The following ZNF385D variants were observed in gnomAD, a reference collection of about 807,000 sequenced individuals.
ZNF385D encodes the protein zinc finger protein 659.
Under a neutral mutation model 35.8 loss-of-function variants are expected in ZNF385D, and 15 were observed. That is an observed-to-expected ratio of 0.42 (90% CI 0.28 to 0.64). ZNF385D has a LOEUF of 0.64. Among genes scored for constraint, ZNF385D ranks in the 30% least tolerant of loss-of-function variants. ZNF385D has a pLI of 0.23. For synonymous variants in ZNF385D, 212 were observed against 186.8 expected, an observed-to-expected ratio of 1.13 and a Z score of -1.10; for missense variants, 474 against 494.6, an observed-to-expected ratio of 0.96 and a Z score of 0.39.
chr3:21,992,602 A>T (rs1695215608), intron 3 of ZNF385D, among the ~76,000 whole-genome samples: 1 of 152,184 alleles, frequency 6.6e-6, no homozygotes, highest in South Asian at 2.1e-4. Context: ...ATAGTTTGTG[A>T]TGAAGATATG....
chr3:22,087,289 C>T (rs1011980421), intron 3 of ZNF385D, among the ~76,000 whole-genome samples: 1 of 152,026 alleles, frequency 6.6e-6, no homozygotes, highest in Non-Finnish European at 1.5e-5. Context: ...TAATTGTCTA[C>T]CCATATCCAT....
intron 2 of ZNF385D, among the ~76,000 whole-genome samples, chr3:21,641,072 T>C (rs754393649): frequency 2.0e-5 from 3 of 152,104 alleles, no homozygotes; most frequent in Non-Finnish European, 4.4e-5. Context: ...CTTTATGTAG[T>C]AGAATGTCCC....
chr3:21,457,721 T>C (rs800621), intron 4 of ZNF385D, among the ~76,000 whole-genome samples: 72,151 of 151,886 alleles, frequency 0.48, 18,137 homozygotes, highest in African/African-American at 0.63. Context: ...TAAACTAACA[T>C]GATGCTCTGA....
intron 2 of ZNF385D, among the ~76,000 whole-genome samples, chr3:22,261,118 TCCATCC>T: frequency 1.3e-5 from 2 of 149,192 alleles, no homozygotes; most frequent in Non-Finnish European, 3.0e-5. Context: ...CATCCATCCA[TCCATCC>T]ATCTACACCG....
intron 3 of ZNF385D, among the ~76,000 whole-genome samples, chr3:21,882,930 T>C (rs1437247988): frequency 4.6e-5 from 7 of 152,028 alleles, no homozygotes; most frequent in African/African-American, 1.4e-4. Context: ...ATTATGCTAA[T>C]AGTAATTGCA....
chr3:22,346,856 C>T (rs1695680867), intron 2 of ZNF385D, among the ~76,000 whole-genome samples: 1 of 152,142 alleles, frequency 6.6e-6, no homozygotes, highest in Non-Finnish European at 1.5e-5. Context: ...AAGAAAATTT[C>T]CTTTTTATCC....
intron 3 of ZNF385D, among the ~76,000 whole-genome samples, chr3:22,148,471 T>C (rs1389448248): frequency 1.3e-5 from 2 of 152,194 alleles, no homozygotes; most frequent in Non-Finnish European, 2.9e-5. Context: ...TACTGAAGGA[T>C]GGGCCAGCCA....
chr3:22,185,603 G>C (rs1043757094), intron 2 of ZNF385D, among the ~76,000 whole-genome samples: 2 of 152,208 alleles, frequency 1.3e-5, no homozygotes, highest in Non-Finnish European at 2.9e-5. Context: ...GAGTAGCTGG[G>C]ATTACAGGCA....
chr3:21,736,477 A>C (rs546413022), intron 1 of ZNF385D, among the ~76,000 whole-genome samples: 2 of 152,340 alleles, frequency 1.3e-5, no homozygotes, highest in East Asian at 3.9e-4. Flanking sequence ...AAAATTTCTA[A>C]CCGTATTTAA....
intron 3 of ZNF385D, among the ~76,000 whole-genome samples, chr3:21,520,155 T>C (rs1221864317): frequency 6.6e-6 from 1 of 152,180 alleles, no homozygotes; most frequent in Non-Finnish European, 1.5e-5. Context: ...AAGAGTTCCC[T>C]CTGCCTGGAG....
At chr3:22,189,274 C>G (rs1695857585) in intron 2 of ZNF385D, among the ~76,000 whole-genome samples, 1 of 152,086 alleles carries the variant, frequency 6.6e-6, no homozygotes. Flanking sequence ...ATTAACTTCC[C>G]TCTTACATAT....
intron 3 of ZNF385D, among the ~76,000 whole-genome samples, chr3:21,958,363 T>C (rs1381759506): frequency 6.6e-6 from 1 of 152,090 alleles, no homozygotes; most frequent in Non-Finnish European, 1.5e-5. Context: ...TCACAGGAAT[T>C]TGTGTAAGTT....
intron 3 of ZNF385D, among the ~76,000 whole-genome samples, chr3:21,791,738 T>C (rs1294791901): frequency 2.0e-5 from 3 of 152,168 alleles, no homozygotes; most frequent in East Asian, 3.9e-4. Context: ...TCTAATCGTT[T>C]TTTTTGGTTG....
At chr3:21,701,069 G>A (rs1416508976) in intron 1 of ZNF385D, among the ~76,000 whole-genome samples, 2 of 152,172 alleles carry the variant, frequency 1.3e-5, no homozygotes, top group African/African-American at 4.8e-5. Flanking sequence ...GGCAGAATGA[G>A]TATAAGTTGG....
intron 2 of ZNF385D, among the ~76,000 whole-genome samples, chr3:21,592,001 C>G (rs17009099): frequency 6.6e-6 from 1 of 152,108 alleles, no homozygotes; most frequent in South Asian, 2.1e-4. Context: ...ACCCAATACT[C>G]CCGTTACTAG....
intron 2 of ZNF385D, among the ~76,000 whole-genome samples, chr3:21,631,388 C>A (rs1168587419): frequency 1.3e-5 from 2 of 151,700 alleles, no homozygotes; most frequent in African/African-American, 4.8e-5. Context: ...GCAGGCCCAC[C>A]TCCTCTTATC....
intron 2 of ZNF385D, among the ~76,000 whole-genome samples, chr3:22,256,886 T>C (rs1457363722): frequency 1.3e-5 from 2 of 152,030 alleles, no homozygotes; most frequent in South Asian, 4.1e-4. Context: ...ATGTATGATG[T>C]CACATTTTGT....
intron 3 of ZNF385D, among the ~76,000 whole-genome samples, chr3:21,882,345 G>A (rs544197921): frequency 7.2e-5 from 11 of 152,074 alleles, no homozygotes; most frequent in South Asian, 4.1e-4. Flanking sequence ...TTCCACCAAC[G>A]AAAAGATTAT....
intron 3 of ZNF385D, among the ~76,000 whole-genome samples, chr3:22,110,659 G>C (rs1396873849): frequency 6.6e-6 from 1 of 151,574 alleles, no homozygotes; most frequent in African/African-American, 2.4e-5. Flanking sequence ...GAGTGGGGAG[G>C]GACAGCATTT....
Sources: allele counts gnomAD v4.1 joint callset (sites outside exome capture counted in the v4.1 genomes callset), GRCh38; gene constraint gnomAD v4.1.1; transcripts MANE v1.5; gene names NCBI Gene and HGNC (gene_info 2026-07-23, HGNC 2026-07-21).